The following SLC39A10 variants were observed in gnomAD, a reference collection of about 807,000 sequenced individuals.
The protein encoded by SLC39A10 is zinc transporter ZIP10.
A neutral mutation model predicts 65.1 loss-of-function variants in SLC39A10; 13 were observed. The ratio of observed to expected loss-of-function variants is 0.20; its 90% CI spans 0.13 to 0.32. SLC39A10 has a LOEUF of 0.32. Among genes scored for constraint, SLC39A10 ranks in the 10% least tolerant of loss-of-function variants. The pLI is 1.00. For missense variants in SLC39A10, 831 were observed against 1,018.4 expected (o/e 0.82, Z 2.50); for synonymous variants, 321 against 342.2 (o/e 0.94, Z 0.68).
At chr2:195,668,816 A>G (rs1357411380) in intron 1 of SLC39A10, among the ~76,000 whole-genome samples, 1 of 152,140 alleles carries the variant, frequency 6.6e-6, no homozygotes, top group Non-Finnish European at 1.5e-5. Flanking sequence ...CGCACCCAGC[A>G]CTTTGGGTCA....
At chr2:195,659,948 G>C (rs1689319651) in intron 1 of SLC39A10, among the ~76,000 whole-genome samples, 1 of 151,964 alleles carries the variant, frequency 6.6e-6, no homozygotes, top group Non-Finnish European at 1.5e-5. Context: ...TTTTTGTTCT[G>C]TTACTTATAT....
Position 195,736,243 on chromosome 2 carries a change from CT to C in SLC39A10, c.*1206del. 6.4e-6 allele frequency: 1 copy of C among 155,338 alleles called. No individual in the cohort carries two copies. 9.6% of individuals were successfully genotyped at this position (155,338 alleles called of 1,614,324 possible). ...CTGTTGGTGCCTGATAGGGATTAGT[CT>C]TTTAGGTGCCCTGTTCTCCTACCAT... On this transcript the variant is annotated 3_prime_UTR_variant, in exon 10 of 10. Coordinates refer to ENST00000359634, the MANE Select transcript of SLC39A10 (RefSeq NM_020342.3).
intron 3 of SLC39A10, among the ~76,000 whole-genome samples, chr2:195,698,759 G>T (rs1429723980): frequency 1.3e-5 from 2 of 151,394 alleles, no homozygotes; most frequent in Non-Finnish European, 3.0e-5. Context: ...AAGGGATATT[G>T]GTCTGTAGTT....
At chr2:195,675,262 A>T (rs934753217) in intron 1 of SLC39A10, among the ~76,000 whole-genome samples, 4 of 152,212 alleles carry the variant, frequency 2.6e-5, no homozygotes, top group African/African-American at 9.6e-5. Flanking sequence ...ATGCAAGGTT[A>T]TCTTGGGACT....
chr2:195,670,870 C>T (rs1689831553), intron 1 of SLC39A10, among the ~76,000 whole-genome samples: 1 of 152,114 alleles, frequency 6.6e-6, no homozygotes, highest in Non-Finnish European at 1.5e-5. Context: ...TTATGTGTTA[C>T]TGATTTTACT....
intron 2 of SLC39A10, among the ~76,000 whole-genome samples, chr2:195,633,003 A>G (rs1240758306): frequency 6.6e-6 from 1 of 152,244 alleles, no homozygotes; most frequent in Non-Finnish European, 1.5e-5. Context: ...TGCAAGGCAC[A>G]ATTAGCTGTG....
intron 9 of SLC39A10, among the ~76,000 whole-genome samples, chr2:195,733,248 G>C (rs1249567581): frequency 6.6e-6 from 1 of 152,172 alleles, no homozygotes; most frequent in Non-Finnish European, 1.5e-5. Context: ...TAGTGTCCCA[G>C]AGGGTAGCAT....
At chr2:195,664,642 TAAAG>T (rs893806360) in intron 1 of SLC39A10, among the ~76,000 whole-genome samples, 3 of 152,106 alleles carry the variant, frequency 2.0e-5, no homozygotes, top group African/African-American at 7.2e-5. Flanking sequence ...GAATTAAAAA[TAAAG>T]TAAGACCTTT....
chr2:195,683,966 A>G (rs975411632), intron 3 of SLC39A10, 60 bp downstream of exon 3: 2 of 1,122,190 alleles, frequency 1.8e-6, no homozygotes, highest in African/African-American at 1.6e-5. Context: ...TTTTTAAACT[A>G]TAGTTGAATT....
At position 195,715,266 on chromosome 2, in the gene SLC39A10, G is replaced by T. The variant is rs1445689587; in HGVS notation, c.1697-1371G>T. On this transcript the variant is annotated intron_variant, in intron 6 of 9. Coordinates refer to ENST00000359634, the MANE Select transcript of SLC39A10 (RefSeq NM_020342.3). Reference sequence around the variant, plus strand: ...CTAGTGGCTGGGTGCGGTGGCTCACGCCTGTCATCCCGGCACTTTGGGAGG... The same window carrying T: ...CTAGTGGCTGGGTGCGGTGGCTCACTCCTGTCATCCCGGCACTTTGGGAGG... Among the ~76,000 whole-genome samples the T allele has an allele frequency of 2.0e-5, 3 of 151,998 alleles. 1 individual carries two copies. The highest frequency in any genetic ancestry group is 1.3e-4 in the Admixed American group (2 of 15,290).
chr2:195,711,955 C>T (rs1040768867), intron 5 of SLC39A10, among the ~76,000 whole-genome samples: 3 of 151,882 alleles, frequency 2.0e-5, no homozygotes, highest in Admixed American at 2.0e-4. Flanking sequence ...TGTCTTAACT[C>T]TTCCCAGTTT....
chr2:195,696,981 A>T (rs552532871), intron 3 of SLC39A10, among the ~76,000 whole-genome samples: 1 of 152,274 alleles, frequency 6.6e-6, no homozygotes, highest in South Asian at 2.1e-4. Context: ...TCTATTCGTT[A>T]TTCATATTAA....
intron 2 of SLC39A10, among the ~76,000 whole-genome samples, chr2:195,648,486 T>C (rs1339997215): frequency 6.6e-6 from 1 of 152,164 alleles, no homozygotes; most frequent in Non-Finnish European, 1.5e-5. Context: ...AAGACCAGTC[T>C]GGGCAACATG....
rs1692503856 is a variant in SLC39A10, at chr2:195,733,898, CAAT to C, written c.2338-983_2338-981del. 2.0e-5 allele frequency among the ~76,000 whole-genome samples: 3 copies of C among 151,980 alleles called. No homozygotes were observed. The South Asian group carries it at 6.2e-4, about 31-fold the overall frequency. ...AATTTTCAGAATTTTGAAATTTTAA[CAAT>C]ATTAAGAGAATACACTGTGAGGGCA... On this transcript the variant is annotated intron_variant, in intron 9 of 9. Coordinates refer to ENST00000359634, the MANE Select transcript of SLC39A10 (RefSeq NM_020342.3).
chr2:195,695,310 C>A (rs1690907481), intron 3 of SLC39A10, among the ~76,000 whole-genome samples: 1 of 152,104 alleles, frequency 6.6e-6, no homozygotes, highest in Admixed American at 6.6e-5. Context: ...GGTTCCCAGG[C>A]CAATGGAGTT....
intron 1 of SLC39A10, 101 bp from the exon 2 acceptor site, chr2:195,679,931 T>G: frequency 3.2e-6 from 3 of 951,014 alleles, no homozygotes; most frequent in East Asian, 2.7e-5. Flanking sequence ...GGAAATGGAG[T>G]AAAACTTTTT....
At chr2:195,724,694 A>G (rs982491398) in intron 8 of SLC39A10, among the ~76,000 whole-genome samples, 3 of 152,192 alleles carry the variant, frequency 2.0e-5, no homozygotes, top group Non-Finnish European at 2.9e-5. Flanking sequence ...GAGCTATACC[A>G]GGTTCAGGGA....
At chr2:195,642,531 A>T (rs1181327379) in intron 2 of SLC39A10, among the ~76,000 whole-genome samples, 1 of 152,230 alleles carries the variant, frequency 6.6e-6, no homozygotes, top group African/African-American at 2.4e-5. Context: ...TAACATTTGC[A>T]TGTGAAACAG....
In SLC39A10 at chr2:195,716,802, T is replaced by C; in HGVS notation, c.1862T>C (p.Leu621Pro). The C allele has an allele frequency of 1.9e-6, 3 of 1,614,102 alleles. No individual in the cohort carries two copies. Among genetic ancestry groups the C allele is most frequent in the Non-Finnish European group, 2.5e-6 (3 of 1,179,964 alleles). Residue 621 changes from leucine to proline, a missense_variant, in exon 7 of 10, where the codon CTC becomes CCC. Around this residue, in one of 4 missense-constraint regions of SLC39A10, gnomAD observed 230 missense variants for 242.9 expected, o/e 0.95. Coordinates refer to ENST00000359634, the MANE Select transcript of SLC39A10 (RefSeq NM_020342.3). Reference sequence around the variant, plus strand: ...TTACATACCATTCATGAGCATGATCTCCATGCTGCTGCACATAACCACCAC... The same window carrying C: ...TTACATACCATTCATGAGCATGATCCCCATGCTGCTGCACATAACCACCAC... ...DGLHTIHEHD[L>P]HAAAHNHHGE...
Sources: allele counts gnomAD v4.1 joint callset (sites outside exome capture counted in the v4.1 genomes callset), GRCh38; gene constraint gnomAD v4.1.1; regional missense constraint gnomAD v4.1.1; transcripts MANE v1.5; gene names NCBI Gene and HGNC (gene_info 2026-07-23, HGNC 2026-07-21).